The following UGT1A8 variants were observed in gnomAD, a reference collection of about 807,000 sequenced individuals.
UGT1A8 encodes UDP-glucuronosyltransferase 1A8.
A neutral mutation model predicts 45.3 loss-of-function variants in UGT1A8; 39 were observed. The ratio of observed to expected loss-of-function variants is 0.86; its 90% CI spans 0.67 to 1.12. UGT1A8 has a LOEUF of 1.12. Among genes scored for constraint, UGT1A8 ranks in the 50% most tolerant of loss-of-function variants. The probability of loss-of-function intolerance (pLI) is 0.00; values close to 1 mark genes in which losing one functional copy is unlikely to be tolerated. For synonymous variants in UGT1A8, 275 were observed against 249.2 expected, an observed-to-expected ratio of 1.10 and a Z score of -0.97; for missense variants, 719 against 664.9, an observed-to-expected ratio of 1.08 and a Z score of -0.90.
chr2:233,637,497 T>C (rs2125459896), intron 1 of UGT1A8: 1 of 1,489,904 alleles, frequency 6.7e-7, no homozygotes, highest in South Asian at 1.4e-5. Context: ...CTTTCCAGTT[T>C]AACAAATTAT....
intron 1 of UGT1A8, chr2:233,718,125 G>A (rs1421445167): frequency 3.5e-6 from 1 of 286,392 alleles, no homozygotes; most frequent in Non-Finnish European, 7.0e-6. Context: ...ATTCCATGGT[G>A]TAGATGGAGA....
intron 1 of UGT1A8, chr2:233,738,901 C>A (rs1400656739): frequency 1.3e-5 from 2 of 152,162 alleles, no homozygotes; most frequent in Non-Finnish European, 2.9e-5. Context: ...TGCAGCAGAC[C>A]CTCCCATCAC....
chr2:233,698,547 CA>C (rs2075447093), intron 1 of UGT1A8, among the ~76,000 whole-genome samples: 1 of 152,080 alleles, frequency 6.6e-6, no homozygotes, highest in Non-Finnish European at 1.5e-5. Context: ...CACGAGTGGC[CA>C]ACAAAACTTT....
rs193084224 is a variant in UGT1A8 at position 233,739,721 on chromosome 2, A to C, written c.856-27313A>C. On this transcript the variant is annotated intron_variant, in intron 1 of 4. Coordinates refer to ENST00000373450, the MANE Select transcript of UGT1A8 (RefSeq NM_019076.5). ...ACAGGCTCATGGGGGAAGGGACTTG[A>C]CTTGTCTCAGATGAGACCTTGGACT... 9.4e-3 allele frequency among the ~76,000 whole-genome samples: 1,433 copies of C among 152,244 alleles called. 32 individuals are homozygous for C. The highest frequency in any genetic ancestry group is 0.032 in the African/African-American group (1,344 of 41,496).
chr2:233,644,238 A>G (rs544955131), intron 1 of UGT1A8, among the ~76,000 whole-genome samples: 37 of 152,282 alleles, frequency 2.4e-4, no homozygotes, highest in African/African-American at 7.7e-4. Context: ...CAGACCTCTG[A>G]GATCAGCAAT....
rs200041554 is a variant in UGT1A8, at chr2:233,772,747, T to C, written c.*188T>C. The C allele has an allele frequency of 7.0e-7, 1 of 1,423,162 alleles. No individual in the cohort carries two copies. Among genetic ancestry groups the C allele is most frequent in the South Asian group, 1.5e-5 (1 of 67,222 alleles). The allele number at this position is 1,423,162 out of a possible 1,614,324, so 88.2% of individuals were successfully genotyped here. A position where few individuals can be genotyped will look rare whatever the true frequency, so the allele number is the denominator to read the frequency against. On this transcript the variant is annotated 3_prime_UTR_variant, in exon 5 of 5. Coordinates refer to ENST00000373450, the MANE Select transcript of UGT1A8 (RefSeq NM_019076.5). ...TAGACTCGCTAGTCAGTAAAGATAT[T>C]TGAATATGTATCGTGCCCCCTCTGG...
chr2:233,745,232 C>G (rs1693047388), intron 1 of UGT1A8, among the ~76,000 whole-genome samples: 1 of 151,800 alleles, frequency 6.6e-6, no homozygotes, highest in East Asian at 1.9e-4. Flanking sequence ...AAATACAGCA[C>G]TATTTACTGT....
At chr2:233,636,470 C>T (rs1418163617) in intron 1 of UGT1A8, 2 of 1,567,058 alleles carry the variant, frequency 1.3e-6, no homozygotes, top group East Asian at 4.5e-5. Context: ...CTTCCGCCTA[C>T]TGTATCATAG....
intron 1 of UGT1A8, among the ~76,000 whole-genome samples, chr2:233,633,408 T>C (rs1458520689): frequency 6.6e-6 from 1 of 152,208 alleles, no homozygotes; most frequent in Non-Finnish European, 1.5e-5. Flanking sequence ...TTTGTACCTC[T>C]GGTAGAGTTC....
At chr2:233,726,326 A>C (rs1219361867) in intron 1 of UGT1A8, among the ~76,000 whole-genome samples, 1 of 152,188 alleles carries the variant, frequency 6.6e-6, no homozygotes, top group Non-Finnish European at 1.5e-5. Context: ...CAGGAGTTTC[A>C]GCACCTGTGG....
intron 1 of UGT1A8, chr2:233,690,545 A>G (rs1443956846): frequency 9.3e-6 from 12 of 1,289,642 alleles, no homozygotes; most frequent in Non-Finnish European, 1.1e-5. Flanking sequence ...CCCCACTGGA[A>G]TATGTCCCAA....
At chr2:233,713,162 G>GGTGGT (rs776401165) in intron 1 of UGT1A8, 1 of 1,614,256 alleles carries the variant, frequency 6.2e-7, no homozygotes, top group Non-Finnish European at 8.5e-7. Flanking sequence ...GAGGCCACCA[G>GGTGGT]GTGGTGGTCC....
intron 1 of UGT1A8, among the ~76,000 whole-genome samples, chr2:233,683,567 A>G (rs1042590528): frequency 3.3e-5 from 5 of 152,178 alleles, no homozygotes; most frequent in Non-Finnish European, 7.4e-5. Context: ...TTTTGCTATT[A>G]CATCTTCCTA....
intron 1 of UGT1A8, among the ~76,000 whole-genome samples, chr2:233,676,331 A>G (rs1352144662): frequency 6.6e-6 from 1 of 152,202 alleles, no homozygotes; most frequent in Non-Finnish European, 1.5e-5. Flanking sequence ...TTTTCTTACA[A>G]ATACTTCATT....
At chr2:233,656,373 C>T (rs1270720623) in intron 1 of UGT1A8, among the ~76,000 whole-genome samples, 5 of 152,198 alleles carry the variant, frequency 3.3e-5, no homozygotes, top group Non-Finnish European at 5.9e-5. Context: ...CTGAAATCAG[C>T]CTCTTGTCCA....
intron 1 of UGT1A8, among the ~76,000 whole-genome samples, chr2:233,701,032 C>T (rs559298566): frequency 1.3e-5 from 2 of 152,236 alleles, no homozygotes; most frequent in East Asian, 3.9e-4. Context: ...ATCCATGTCC[C>T]TACAAAGGAC....
chr2:233,665,824 T>G (rs1001453954), intron 1 of UGT1A8, among the ~76,000 whole-genome samples: 2 of 152,196 alleles, frequency 1.3e-5, no homozygotes, highest in African/African-American at 4.8e-5. Context: ...TTGTGATCTA[T>G]GGTAGGTGTA....
chr2:233,636,761 C>T (rs144472939), intron 1 of UGT1A8: 125 of 1,614,172 alleles, frequency 7.7e-5, no homozygotes, highest in African/African-American at 1.9e-4. Context: ...TACTCAACCT[C>T]GTACACTCTG....
intron 1 of UGT1A8, chr2:233,747,959 C>T: frequency 6.2e-7 from 1 of 1,613,522 alleles, no homozygotes; most frequent in Non-Finnish European, 8.5e-7. Context: ...TGGATCTTCT[C>T]AGCCATGCAT....
Sources: gnomAD v4.1 joint callset for allele counts (sites outside exome capture counted in the v4.1 genomes callset) on GRCh38, gnomAD v4.1.1 for gene constraint, MANE v1.5 for transcripts, NCBI Gene and HGNC (gene_info 2026-07-23, HGNC 2026-07-21) for gene names.